ANK2: variants seen among roughly 807,000 people sequenced by gnomAD.
ANK2 encodes ankyrin-2.
Under a neutral mutation model 360.5 loss-of-function variants are expected in ANK2, and 83 were observed. The ratio of observed to expected loss-of-function variants is 0.23; its 90% CI spans 0.19 to 0.28. The LOEUF is 0.28. Among genes scored for constraint, ANK2 ranks in the 10% least tolerant of loss-of-function variants. ANK2 has a pLI of 1.00. For synonymous variants in ANK2, 1,740 were observed against 1,759.5 expected (o/e 0.99, Z 0.28); for missense variants, 4,201 against 4,795.7 (o/e 0.88, Z 3.66).
intron 2 of ANK2, among the ~76,000 whole-genome samples, chr4:112,920,793 C>T (rs1434141744): frequency 1.3e-5 from 2 of 152,066 alleles, no homozygotes; most frequent in Non-Finnish European, 2.9e-5. Flanking sequence ...ATTCACTATA[C>T]CATATGGCAC....
At chr4:112,762,382 G>A in the ANK2 span, among the ~76,000 whole-genome samples, 4 of 152,090 alleles carry the variant, frequency 2.6e-5, no homozygotes, top group Non-Finnish European at 4.4e-5. Flanking sequence ...TTGCAACAAA[G>A]CTTTATAATA....
intron 2 of ANK2, among the ~76,000 whole-genome samples, chr4:113,016,355 C>T (rs1385265209): frequency 1.3e-5 from 2 of 152,128 alleles, no homozygotes; most frequent in Non-Finnish European, 2.9e-5. Flanking sequence ...CTTATAGGTT[C>T]TTCACCCGCC....
chr4:112,932,263 G>A (rs560669795), intron 2 of ANK2, among the ~76,000 whole-genome samples: 1 of 152,160 alleles, frequency 6.6e-6, no homozygotes, highest in Admixed American at 6.5e-5. Context: ...AGGCTGAGGT[G>A]GGCGGATCAC....
the ANK2 span, among the ~76,000 whole-genome samples, chr4:112,735,143 G>C: frequency 6.6e-6 from 1 of 152,144 alleles, no homozygotes; most frequent in African/African-American, 2.4e-5. Flanking sequence ...CCAGCACTGT[G>C]AGAGGCTGAG....
chr4:112,944,662 T>C (rs542459555), intron 2 of ANK2, among the ~76,000 whole-genome samples: 2 of 152,250 alleles, frequency 1.3e-5, no homozygotes, highest in Non-Finnish European at 2.9e-5. Flanking sequence ...ACATGATAAT[T>C]GGTATGTGAT....
intron 2 of ANK2, among the ~76,000 whole-genome samples, chr4:112,955,209 A>G: frequency 6.7e-6 from 1 of 148,598 alleles, no homozygotes; most frequent in Admixed American, 6.6e-5. Flanking sequence ...CATACTTTTT[A>G]TCTTTTTTAA....
In ANK2 at chr4:113,358,079, C is replaced by T. The variant is rs1054381464; in HGVS notation, c.9461C>T (p.Ala3154Val). The T allele has an allele frequency of 1.9e-6, 3 of 1,614,098 alleles. No individual in the cohort carries two copies. Among genetic ancestry groups the T allele is most frequent in the Admixed American group, 3.3e-5 (2 of 60,010 alleles). The change falls in exon 38 of 46, where the codon GCT (alanine) becomes GTT (valine). Residue 3154 changes from alanine to valine, a missense_variant. By Grantham distance (64) the Ala-to-Val change is moderately conservative. Coordinates refer to ENST00000357077, the MANE Select transcript of ANK2 (RefSeq NM_001148.6). ...SEDVKEGATGADPLPLETSAE... is the reference protein window; with the variant it reads ...SEDVKEGATGVDPLPLETSAE... ...GATGTGAAAGAAGGGGCTACTGGGG[C>T]TGATCCCCTACCGCTGGAGACATCA...
intron 45 of ANK2, among the ~76,000 whole-genome samples, chr4:113,377,751 C>G (rs944171956): frequency 6.6e-6 from 1 of 152,096 alleles, no homozygotes; most frequent in Non-Finnish European, 1.5e-5. Context: ...ACCATTTGGG[C>G]CTTGTTTGCT....
intron 2 of ANK2, among the ~76,000 whole-genome samples, chr4:113,009,351 G>T (rs1418519156): frequency 6.6e-6 from 1 of 152,070 alleles, no homozygotes; most frequent in African/African-American, 2.4e-5. Context: ...AATTTTATGT[G>T]TTCTCTATAT....
chr4:113,230,522 A>C (rs2099278485), intron 4 of ANK2, among the ~76,000 whole-genome samples: 1 of 152,270 alleles, frequency 6.6e-6, no homozygotes, highest in East Asian at 1.9e-4. Context: ...CTCAAAAAAA[A>C]AAAAATGTTT....
rs553324580 is a variant in ANK2, at chr4:113,355,749, C to T, written c.7131C>T (p.Asp2377=). 5.3e-5 allele frequency: 85 copies of T among 1,613,942 alleles called. No homozygotes were observed. The highest frequency in any genetic ancestry group is 9.3e-5 in the African/African-American group (7 of 74,906). The stretch of plus-strand genomic sequence containing the variant: ...TTCAAGAATCCACAGCCACCTCAGA[C>T]GAGACAAAGGCCTTGCCGCTGCCTG... ...SEVQESTATS[D]ETKALPLPEA... The change falls in exon 38 of 46, where the codon GAC becomes GAT. Residue 2377 remains aspartate (D), a synonymous_variant. Coordinates refer to ENST00000357077, the MANE Select transcript of ANK2 (RefSeq NM_001148.6).
intron 1 of ANK2, among the ~76,000 whole-genome samples, chr4:113,121,861 TC>T (rs142804573): frequency 1.6e-4 from 24 of 151,518 alleles, no homozygotes; most frequent in South Asian, 4.2e-4. Flanking sequence ...TGGGGAAATC[TC>T]CCCCCCCACC....
At chr4:113,258,021 T>A (rs1039822465) in intron 11 of ANK2, 29 bp from the exon 12 acceptor site, 1 of 1,586,980 alleles carries the variant, frequency 6.3e-7, no homozygotes, top group African/African-American at 1.3e-5. Context: ...TCTGCATGTT[T>A]TCAACTAACT....
Position 113,322,846 on chromosome 4 carries a change from T to C in ANK2, c.2900+4226T>C, listed in dbSNP as rs555390904. 2.6e-5 allele frequency among the ~76,000 whole-genome samples: 4 copies of C among 152,342 alleles called. No homozygotes were observed. The South Asian group carries it at 8.3e-4, about 32-fold the overall frequency. ...CAAGGCTCTCACTTGACAATATTAA[T>C]GTTTATCTAATATGTACGGCAGTTA... On this transcript the variant is annotated intron_variant, in intron 26 of 45. Transcript: ENST00000357077.
chr4:112,760,591 T>C, the ANK2 span, among the ~76,000 whole-genome samples: 1 of 151,676 alleles, frequency 6.6e-6, no homozygotes, highest in Non-Finnish European at 1.5e-5. Context: ...GTGCACAACG[T>C]GCAGGTTTGT....
At chr4:112,880,531 T>C (rs1340927317) in intron 1 of ANK2, 1 of 152,232 alleles carries the variant, frequency 6.6e-6, no homozygotes. Flanking sequence ...GTTCATACCA[T>C]TGTGCAGAGT....
rs540329388 is a variant in ANK2, at chr4:112,959,604, T to C, written c.21+55090T>C. 8.3e-4 allele frequency among the ~76,000 whole-genome samples: 127 copies of C among 152,354 alleles called. 1 individual carries two copies. The highest frequency in any genetic ancestry group is 2.9e-3 in the African/African-American group (119 of 41,588). On this transcript the variant is annotated intron_variant, in intron 2 of 30. Coordinates refer to the ANK2 transcript ENST00000503271. ...ATATAATAGTTTATTTTACTTGAGA[T>C]ACTCTCTTCCTGTATTATAACTGCC...
At chr4:113,166,169 A>G (rs1363980594) in intron 1 of ANK2, among the ~76,000 whole-genome samples, 2 of 152,138 alleles carry the variant, frequency 1.3e-5, no homozygotes, top group African/African-American at 4.8e-5. Context: ...AAACTAACAG[A>G]ATAATAAACA....
At chr4:112,717,449 C>T in the ANK2 span, among the ~76,000 whole-genome samples, 1 of 152,106 alleles carries the variant, frequency 6.6e-6, no homozygotes, top group Non-Finnish European at 1.5e-5. Context: ...TAAACTCTTT[C>T]TGAGACTGCC....
Sources: gnomAD v4.1 joint callset for allele counts (sites outside exome capture counted in the v4.1 genomes callset) on GRCh38, gnomAD v4.1.1 for gene constraint, MANE v1.5 for transcripts, NCBI Gene and HGNC (gene_info 2026-07-23, HGNC 2026-07-21) for gene names.